The following PREX2 variants were observed in gnomAD, a reference collection of about 807,000 sequenced individuals.
PREX2 encodes phosphatidylinositol-3,4,5-trisphosphate dependent Rac exchange factor 2.
In PREX2, 107 loss-of-function variants were observed where a neutral mutation model predicts 203.2. The ratio of observed to expected loss-of-function variants is 0.53; its 90% CI spans 0.45 to 0.62. The LOEUF (loss-of-function observed/expected upper bound fraction) is 0.62. Ranked by LOEUF, PREX2 falls within the 20% of genes least tolerant of loss-of-function variation. PREX2 has a pLI of 0.00. For synonymous variants in PREX2, 672 were observed against 663.6 expected (o/e 1.01, Z -0.19); for missense variants, 1,777 against 1,955.9 (o/e 0.91, Z 1.72).
intron 1 of PREX2, among the ~76,000 whole-genome samples, chr8:68,015,730 T>C (rs1481433497): frequency 1.3e-5 from 2 of 152,174 alleles, no homozygotes; most frequent in Non-Finnish European, 2.9e-5. Context: ...TTAAAGAACA[T>C]TTTTGCGATG....
At chr8:68,118,327 T>C (rs1426922678) in intron 26 of PREX2, among the ~76,000 whole-genome samples, 3 of 149,330 alleles carry the variant, frequency 2.0e-5, no homozygotes, top group Admixed American at 6.7e-5. Context: ...TGCACTCCAG[T>C]CTGGGAGACA....
At chr8:67,988,108 A>T (rs1053159224) in intron 1 of PREX2, among the ~76,000 whole-genome samples, 4 of 152,196 alleles carry the variant, frequency 2.6e-5, no homozygotes. Flanking sequence ...TTCTAGTCAT[A>T]GACTTTTGGA....
chr8:68,087,634 T>C, intron 18 of PREX2, 90 bp from the exon 19 acceptor site: 2 of 920,136 alleles, frequency 2.2e-6, no homozygotes, highest in Non-Finnish European at 3.6e-6. Context: ...CAATATGTAT[T>C]TATTGAGAGG....
At chr8:68,035,271 T>A (rs1807996454) in intron 6 of PREX2, among the ~76,000 whole-genome samples, 2 of 152,194 alleles carry the variant, frequency 1.3e-5, no homozygotes, top group African/African-American at 2.4e-5. Flanking sequence ...ATCAATTTTT[T>A]AAGAGACTCC....
At chr8:68,095,369 G>C (rs1810027476) in intron 21 of PREX2, among the ~76,000 whole-genome samples, 1 of 152,044 alleles carries the variant, frequency 6.6e-6, no homozygotes, top group Admixed American at 6.6e-5. Context: ...GGCTCACCAA[G>C]TGCCACCTCA....
At chr8:67,972,220 A>T (rs1157504957) in intron 1 of PREX2, among the ~76,000 whole-genome samples, 1 of 152,202 alleles carries the variant, frequency 6.6e-6, no homozygotes, top group Non-Finnish European at 1.5e-5. Context: ...TTCTGATTGC[A>T]GTAATTTCTG....
intron 9 of PREX2, among the ~76,000 whole-genome samples, chr8:68,054,614 A>G (rs1203982418): frequency 6.6e-6 from 1 of 152,198 alleles, no homozygotes; most frequent in Non-Finnish European, 1.5e-5. Flanking sequence ...ATTAAGTGCC[A>G]GTGTTCGTAG....
intron 37 of PREX2, among the ~76,000 whole-genome samples, chr8:68,198,648 AC>A (rs760786368): frequency 5.9e-5 from 9 of 152,224 alleles, no homozygotes; most frequent in Non-Finnish European, 1.2e-4. Context: ...GAGTCCAAAA[AC>A]AAAAATGCCA....
rs763937177 is a variant in PREX2, at chr8:68,059,445, C to T, written c.1239-1234C>T. Among the ~76,000 whole-genome samples the T allele has an allele frequency of 7.9e-5, 12 of 152,272 alleles. 1 individual carries two copies. The highest frequency in any genetic ancestry group is 6.8e-3 in the Middle Eastern group (2 of 294). On this transcript the variant is annotated intron_variant, in intron 10 of 39. Transcript: ENST00000288368. ...CACAGCCACAGCAGTGTGTGGTAGACAGTTCTGATGGATGGTTCTGTGCTG... is the reference window on the plus strand; with the variant it reads ...CACAGCCACAGCAGTGTGTGGTAGATAGTTCTGATGGATGGTTCTGTGCTG...
At chr8:68,148,356 C>T (rs563396825) in intron 34 of PREX2, among the ~76,000 whole-genome samples, 1 of 152,306 alleles carries the variant, frequency 6.6e-6, no homozygotes, top group South Asian at 2.1e-4. Flanking sequence ...CCAGGACTTA[C>T]AATTGTTAAA....
At chr8:68,219,411 G>A (rs1056909740) in intron 38 of PREX2, among the ~76,000 whole-genome samples, 1 of 152,022 alleles carries the variant, frequency 6.6e-6, no homozygotes, top group Admixed American at 6.5e-5. Context: ...TTACTATATT[G>A]ATGTGTATTA....
At chr8:68,174,398 G>A (rs1326785620) in intron 35 of PREX2, among the ~76,000 whole-genome samples, 1 of 152,106 alleles carries the variant, frequency 6.6e-6, no homozygotes, top group Admixed American at 6.5e-5. Flanking sequence ...TCAAGTAGGG[G>A]CACAGTTCTC....
chr8:68,042,218 A>G (rs1345741030), intron 7 of PREX2, among the ~76,000 whole-genome samples: 1 of 152,112 alleles, frequency 6.6e-6, no homozygotes, highest in Non-Finnish European at 1.5e-5. Context: ...TAGAGACTTG[A>G]TGAATTTAAT....
chr8:68,158,939 T>C (rs374334136), intron 35 of PREX2, among the ~76,000 whole-genome samples: 1 of 152,126 alleles, frequency 6.6e-6, no homozygotes. Context: ...TGTTGAATCG[T>C]AGCTAGACTT....
chr8:68,017,808 C>T (rs754761295), intron 1 of PREX2, 38 bp from the exon 2 acceptor site: 1 of 1,546,930 alleles, frequency 6.5e-7, no homozygotes, highest in Non-Finnish European at 8.9e-7. Context: ...TTTTATTAAC[C>T]TAATGTTACC....
chr8:68,171,926 T>C (rs1476466755), intron 35 of PREX2, among the ~76,000 whole-genome samples: 1 of 152,206 alleles, frequency 6.6e-6, no homozygotes, highest in Admixed American at 6.5e-5. Context: ...TATTACGTGA[T>C]GTGATTTCTT....
chr8:68,011,760 A>G (rs186522992), intron 1 of PREX2, among the ~76,000 whole-genome samples: 51 of 152,266 alleles, frequency 3.3e-4, no homozygotes, highest in Non-Finnish European at 1.3e-4. Context: ...CCTTAGGCCA[A>G]TGGAAGCTAA....
rs867434891 is a variant in PREX2 at position 67,985,086 on chromosome 8, C to T, written c.141+32551C>T. On this transcript the variant is annotated intron_variant, in intron 1 of 39. Coordinates refer to ENST00000288368, the MANE Select transcript of PREX2 (RefSeq NM_024870.4). ...ATGACATAGAAGCAGAGAAAACATA[C>T]CAAGTTCTTGCCAGTTGCTAGGCAG... Among the ~76,000 whole-genome samples, 74 of 151,982 alleles carry T rather than the reference C, an allele frequency of 4.9e-4. 1 individual carries two copies. In the Middle Eastern group the frequency reaches 0.01, roughly 21 times the overall value.
intron 34 of PREX2, among the ~76,000 whole-genome samples, chr8:68,152,037 C>T (rs1430681177): frequency 6.6e-6 from 1 of 151,542 alleles, no homozygotes; most frequent in African/African-American, 2.4e-5. Flanking sequence ...CGCCTGTAAT[C>T]CCAGCACTTT....
Sources: gnomAD v4.1 joint callset for allele counts (sites outside exome capture counted in the v4.1 genomes callset) on GRCh38, gnomAD v4.1.1 for gene constraint, MANE v1.5 for transcripts, NCBI Gene and HGNC (gene_info 2026-07-23, HGNC 2026-07-21) for gene names.